Variants in NTM observed in about 807,000 individuals in gnomAD.
The protein encoded by NTM is IgLON family member 2.
In NTM, 13 loss-of-function variants were observed where a neutral mutation model predicts 42.1. That is an observed-to-expected ratio of 0.31 (90% confidence interval 0.20 to 0.49). The LOEUF is 0.49. NTM is among the 20% of genes least tolerant of loss of function. The pLI is 0.99. For missense variants in NTM, 373 were observed against 452.8 expected (o/e 0.82, Z 1.60); for synonymous variants, 187 against 179.2 (o/e 1.04, Z -0.35).
chr11:132,130,534 T>G (rs1048470455), intron 2 of NTM, among the ~76,000 whole-genome samples: 2 of 152,208 alleles, frequency 1.3e-5, no homozygotes, highest in African/African-American at 4.8e-5. Flanking sequence ...TCCTTTGCAC[T>G]TACACCTTTC....
At chr11:131,877,551 A>C (rs1353334159) in intron 1 of NTM, 1 of 152,160 alleles carries the variant, frequency 6.6e-6, no homozygotes, top group Non-Finnish European at 1.5e-5. Flanking sequence ...TATTCCACCC[A>C]GGATGCAGCA....
chr11:131,963,248 T>C (rs1317804035), intron 2 of NTM, among the ~76,000 whole-genome samples: 2 of 152,192 alleles, frequency 1.3e-5, no homozygotes, highest in East Asian at 3.9e-4. Flanking sequence ...TCCACAGGTG[T>C]GACCCAGAGC....
At chr11:131,739,361 T>A (rs1424921660) in intron 1 of NTM, among the ~76,000 whole-genome samples, 1 of 152,198 alleles carries the variant, frequency 6.6e-6, no homozygotes, top group Non-Finnish European at 1.5e-5. Flanking sequence ...TTACTCACAC[T>A]CTTGGAACTT....
At chr11:131,668,756 G>C (rs1308490869) in intron 1 of NTM, among the ~76,000 whole-genome samples, 1 of 152,176 alleles carries the variant, frequency 6.6e-6, no homozygotes, top group Non-Finnish European at 1.5e-5. Flanking sequence ...TAATGAATTA[G>C]TGGCCCAGAA....
chr11:131,514,915 A>C (rs925982031), intron 1 of NTM, among the ~76,000 whole-genome samples: 2 of 151,410 alleles, frequency 1.3e-5, no homozygotes, highest in Admixed American at 1.3e-4. Context: ...ATACACATAA[A>C]GAGAGAGGGA....
intron 2 of NTM, among the ~76,000 whole-genome samples, chr11:131,991,179 A>G (rs969761097): frequency 6.6e-6 from 1 of 152,178 alleles, no homozygotes; most frequent in Non-Finnish European, 1.5e-5. Context: ...TAGCCTTGAA[A>G]TAGGACTTAA....
At chr11:132,028,986 C>A (rs562025487) in intron 2 of NTM, among the ~76,000 whole-genome samples, 2 of 152,226 alleles carry the variant, frequency 1.3e-5, no homozygotes, top group East Asian at 3.9e-4. Flanking sequence ...GAACCTCCAG[C>A]AACTCATCAG....
rs562060500 is a variant in NTM, at chr11:132,088,092, G to T, written c.168-58190G>T. Among the ~76,000 whole-genome samples, 51 of 152,366 alleles carry T rather than the reference G, an allele frequency of 3.3e-4. 1 individual carries two copies. The South Asian group carries it at 4.3e-3, about 13-fold the overall frequency. ...CACCACTCACCCGTATATCCCACATGCACACCTGTGGCCATTGGGATGGTG... is the reference window on the plus strand; with the variant it reads ...CACCACTCACCCGTATATCCCACATTCACACCTGTGGCCATTGGGATGGTG... On this transcript the variant is annotated intron_variant, in intron 2 of 8. Transcript: ENST00000683400.
intron 1 of NTM, among the ~76,000 whole-genome samples, chr11:131,608,543 A>T (rs2061195838): frequency 6.6e-6 from 1 of 152,226 alleles, no homozygotes; most frequent in South Asian, 2.1e-4. Flanking sequence ...ACAGGCCCTG[A>T]CAGCCTCATG....
At chr11:131,947,237 G>T (rs893870638) in intron 2 of NTM, among the ~76,000 whole-genome samples, 3 of 152,130 alleles carry the variant, frequency 2.0e-5, no homozygotes, top group African/African-American at 7.2e-5. Context: ...TGGTGGTCTT[G>T]ACTTGTTTAC....
chr11:132,148,970 G>T (rs1175330410), intron 3 of NTM, among the ~76,000 whole-genome samples: 4 of 152,114 alleles, frequency 2.6e-5, no homozygotes, highest in African/African-American at 9.7e-5. Flanking sequence ...CTCATCTTGG[G>T]CTAATTTTCG....
intron 4 of NTM, among the ~76,000 whole-genome samples, chr11:132,293,287 A>G (rs1409120886): frequency 1.3e-5 from 2 of 152,212 alleles, no homozygotes; most frequent in Non-Finnish European, 2.9e-5. Flanking sequence ...TCAGAAGTTT[A>G]ACTGGAAAAC....
intron 1 of NTM, among the ~76,000 whole-genome samples, chr11:131,379,349 G>C (rs981218867): frequency 6.6e-6 from 1 of 152,216 alleles, no homozygotes; most frequent in Non-Finnish European, 1.5e-5. Flanking sequence ...AGAAGAGGCA[G>C]GGGAAGAGGA....
At chr11:132,049,985 T>G (rs1322162276) in intron 2 of NTM, among the ~76,000 whole-genome samples, 3 of 152,154 alleles carry the variant, frequency 2.0e-5, no homozygotes, top group Admixed American at 6.5e-5. Context: ...AAAGATGCAG[T>G]GTCTCTCTCC....
At chr11:131,654,687 C>T (rs1372700797) in intron 1 of NTM, among the ~76,000 whole-genome samples, 2 of 151,938 alleles carry the variant, frequency 1.3e-5, no homozygotes, top group African/African-American at 2.4e-5. Flanking sequence ...TCTGTTAGTT[C>T]GCCTGAGATC....
At chr11:132,155,465 G>A (rs375935305) in intron 3 of NTM, among the ~76,000 whole-genome samples, 4 of 152,064 alleles carry the variant, frequency 2.6e-5, no homozygotes, top group South Asian at 2.1e-4. Flanking sequence ...ATGTCCTGCC[G>A]CTGATGTGGG....
intron 1 of NTM, among the ~76,000 whole-genome samples, chr11:131,663,736 CT>C (rs553607434): frequency 1.1e-3 from 162 of 152,052 alleles, no homozygotes; most frequent in African/African-American, 3.6e-3. Flanking sequence ...TTTTTGTTAC[CT>C]TTTTTTTCTT....
chr11:132,025,619 A>T (rs984234513), intron 2 of NTM, among the ~76,000 whole-genome samples: 2 of 152,062 alleles, frequency 1.3e-5, no homozygotes, highest in Non-Finnish European at 2.9e-5. Flanking sequence ...TTCTCACTCC[A>T]CTGTGACTAC....
At chr11:131,930,055 G>T (rs1158567258) in intron 2 of NTM, among the ~76,000 whole-genome samples, 1 of 152,158 alleles carries the variant, frequency 6.6e-6, no homozygotes, top group Admixed American at 6.5e-5. Context: ...GTTGGGGGTT[G>T]TTTAACCATT....
Sources: gnomAD v4.1 joint callset for allele counts (sites outside exome capture counted in the v4.1 genomes callset) on GRCh38, gnomAD v4.1.1 for gene constraint, MANE v1.5 for transcripts, NCBI Gene and HGNC (gene_info 2026-07-23, HGNC 2026-07-21) for gene names.